GALNT13: variants seen among roughly 807,000 people sequenced by gnomAD.
GALNT13 encodes polypeptide N-acetylgalactosaminyltransferase 13.
A neutral mutation model predicts 64.2 loss-of-function variants in GALNT13; 28 were observed. The ratio of observed to expected loss-of-function variants is 0.44; its 90% CI spans 0.32 to 0.60. GALNT13 has a LOEUF of 0.60. Among genes scored for constraint, GALNT13 ranks in the 20% least tolerant of loss-of-function variants. GALNT13 has a pLI of 0.05. For missense variants in GALNT13, 577 were observed against 669.8 expected, an observed-to-expected ratio of 0.86 and a Z score of 1.53; for synonymous variants, 214 against 224.6, an observed-to-expected ratio of 0.95 and a Z score of 0.42.
chr2:153,652,576 C>T, the GALNT13 span, among the ~76,000 whole-genome samples: 2 of 152,062 alleles, frequency 1.3e-5, no homozygotes, highest in Admixed American at 1.3e-4. Context: ...AATTGCGCCA[C>T]TGCACTCCAG....
chr2:154,124,791 A>G (rs1407681374), intron 3 of GALNT13, among the ~76,000 whole-genome samples: 1 of 152,150 alleles, frequency 6.6e-6, no homozygotes, highest in African/African-American at 2.4e-5. Flanking sequence ...AAATTCTTCA[A>G]TGAAATGTGA....
chr2:154,316,178 T>A (rs1163130776), intron 9 of GALNT13, among the ~76,000 whole-genome samples: 1 of 152,196 alleles, frequency 6.6e-6, no homozygotes, highest in East Asian at 1.9e-4. Flanking sequence ...AGAATGATAC[T>A]ATTATTATTA....
At chr2:153,402,438 G>GGC in the GALNT13 span, among the ~76,000 whole-genome samples, 1 of 151,486 alleles carries the variant, frequency 6.6e-6, no homozygotes, top group African/African-American at 2.4e-5. Context: ...GTATCTTTGT[G>GGC]GCGTTCTCTG....
the GALNT13 span, among the ~76,000 whole-genome samples, chr2:153,627,316 T>C: frequency 2.0e-5 from 3 of 151,256 alleles, no homozygotes; most frequent in Non-Finnish European, 4.4e-5. Flanking sequence ...TTTAAGTCAA[T>C]TGATTCAAAT....
At chr2:153,798,059 A>G in the GALNT13 span, among the ~76,000 whole-genome samples, 1 of 152,158 alleles carries the variant, frequency 6.6e-6, no homozygotes, top group African/African-American at 2.4e-5. Context: ...GCATTTTAAA[A>G]ATATCCCCAG....
At chr2:154,082,701 C>T (rs1448036670) in intron 3 of GALNT13, among the ~76,000 whole-genome samples, 1 of 151,512 alleles carries the variant, frequency 6.6e-6, no homozygotes, top group Non-Finnish European at 1.5e-5. Context: ...ATGGCCACCT[C>T]TGCTTCAGAC....
intron 9 of GALNT13, among the ~76,000 whole-genome samples, chr2:154,354,711 T>A (rs931442010): frequency 2.0e-5 from 3 of 152,148 alleles, no homozygotes; most frequent in African/African-American, 7.2e-5. Flanking sequence ...GGTGCCCTTG[T>A]TGAAAATTAG....
chr2:153,527,220 AAAG>A, the GALNT13 span, among the ~76,000 whole-genome samples: 1 of 152,162 alleles, frequency 6.6e-6, no homozygotes, highest in African/African-American at 2.4e-5. Context: ...GACTTAACCC[AAAG>A]AAGACTACCT....
chr2:153,495,693 A>G, the GALNT13 span, among the ~76,000 whole-genome samples: 1 of 152,246 alleles, frequency 6.6e-6, no homozygotes, highest in Non-Finnish European at 1.5e-5. Flanking sequence ...AAAATTCTAG[A>G]GAATGCAAAC....
the GALNT13 span, among the ~76,000 whole-genome samples, chr2:153,363,477 T>G: frequency 6.6e-6 from 1 of 151,742 alleles, no homozygotes; most frequent in Non-Finnish European, 1.5e-5. Flanking sequence ...ACAAAATAAA[T>G]AGACCACTAG....
chr2:154,120,520 C>T (rs9677339), intron 3 of GALNT13, among the ~76,000 whole-genome samples: 14,912 of 152,134 alleles, frequency 0.098, 1,762 homozygotes, highest in East Asian at 0.6. Flanking sequence ...CTTTCCAGGT[C>T]AAACCAGTGT....
chr2:154,320,190 C>G (rs1286308131), intron 9 of GALNT13, among the ~76,000 whole-genome samples: 2 of 152,008 alleles, frequency 1.3e-5, no homozygotes, highest in Non-Finnish European at 2.9e-5. Context: ...ACATATTTAT[C>G]CTTTAAAGTT....
chr2:153,523,525 C>T, the GALNT13 span, among the ~76,000 whole-genome samples: 1 of 152,078 alleles, frequency 6.6e-6, no homozygotes, highest in Non-Finnish European at 1.5e-5. Flanking sequence ...TCAGATAGAC[C>T]TTGTACATAT....
chr2:153,404,119 T>C, the GALNT13 span, among the ~76,000 whole-genome samples: 1 of 152,212 alleles, frequency 6.6e-6, no homozygotes, highest in Non-Finnish European at 1.5e-5. Context: ...TAGTGGCTTG[T>C]ATCAGTCCAG....
chr2:154,305,687 T>C (rs560549392), intron 9 of GALNT13, among the ~76,000 whole-genome samples: 1 of 152,304 alleles, frequency 6.6e-6, no homozygotes, highest in South Asian at 2.1e-4. Context: ...ATATACTCTA[T>C]AAAATATCAC....
intron 3 of GALNT13, among the ~76,000 whole-genome samples, chr2:154,090,615 G>A (rs1056235749): frequency 8.6e-5 from 13 of 151,850 alleles, no homozygotes; most frequent in Non-Finnish European, 1.6e-4. Flanking sequence ...ACAGTCTCAG[G>A]AACCTGTTCC....
At chr2:153,313,553 C>T in the GALNT13 span, among the ~76,000 whole-genome samples, 2 of 143,594 alleles carry the variant, frequency 1.4e-5, no homozygotes, top group South Asian at 2.2e-4. Flanking sequence ...CAGAGGGTGG[C>T]GGGGTGGGAG....
At chr2:153,780,694 AT>A in the GALNT13 span, among the ~76,000 whole-genome samples, 1 of 152,130 alleles carries the variant, frequency 6.6e-6, no homozygotes, top group Non-Finnish European at 1.5e-5. Flanking sequence ...CACAATGAAT[AT>A]TTTTTGGGGG....
At chr2:154,330,499 T>C (rs933380289) in intron 9 of GALNT13, among the ~76,000 whole-genome samples, 1 of 152,090 alleles carries the variant, frequency 6.6e-6, no homozygotes, top group Non-Finnish European at 1.5e-5. Context: ...CTCCCTAATT[T>C]ATATACAGCT....
Sources: allele counts gnomAD v4.1 joint callset (sites outside exome capture counted in the v4.1 genomes callset), GRCh38; gene constraint gnomAD v4.1.1; transcripts MANE v1.5; gene names NCBI Gene and HGNC (gene_info 2026-07-23, HGNC 2026-07-21).